Variants in HEMK2 observed in about 807,000 individuals in gnomAD.
HEMK2 encodes the protein HemK methyltransferase 2, ETF1 glutamine and histone H4 lysine.
the HEMK2 span, among the ~76,000 whole-genome samples, chr21:28,831,507 GA>G: frequency 2.3e-4 from 19 of 82,966 alleles, no homozygotes; most frequent in East Asian, 7.7e-4. Flanking sequence ...AAGAAAGAAA[GA>G]AAGAAAGAAA....
At chr21:28,738,619 G>A in the HEMK2 span, among the ~76,000 whole-genome samples, 3 of 152,128 alleles carry the variant, frequency 2.0e-5, no homozygotes, top group African/African-American at 7.2e-5. Flanking sequence ...ACAGTCCCAC[G>A]GAGAAGCCAG....
chr21:28,852,180 T>C, the HEMK2 span, among the ~76,000 whole-genome samples: 1 of 152,220 alleles, frequency 6.6e-6, no homozygotes, highest in African/African-American at 2.4e-5. Context: ...ATATTGTTTT[T>C]GATTTACTAT....
the HEMK2 span, among the ~76,000 whole-genome samples, chr21:28,871,341 A>G: frequency 5.3e-5 from 8 of 152,176 alleles, no homozygotes; most frequent in South Asian, 2.1e-4. Flanking sequence ...GCACGTCCAC[A>G]TGGTTGGAGC....
the HEMK2 span, among the ~76,000 whole-genome samples, chr21:28,606,324 T>A: frequency 9.2e-5 from 14 of 152,316 alleles, no homozygotes; most frequent in East Asian, 2.7e-3. Flanking sequence ...GAATATATCA[T>A]TACAACTAAA....
chr21:28,806,864 A>T, the HEMK2 span, among the ~76,000 whole-genome samples: 2 of 152,106 alleles, frequency 1.3e-5, no homozygotes, highest in Non-Finnish European at 2.9e-5. Context: ...GGCCTTACTA[A>T]CCCCTTGATT....
the HEMK2 span, among the ~76,000 whole-genome samples, chr21:28,734,362 G>A: frequency 6.6e-6 from 1 of 152,130 alleles, no homozygotes; most frequent in African/African-American, 2.4e-5. Flanking sequence ...TCTGTTGTCT[G>A]CCACGGCATG....
chr21:28,873,878 T>C, the HEMK2 span: 4 of 152,310 alleles, frequency 2.6e-5, no homozygotes, highest in East Asian at 1.9e-4. Flanking sequence ...CAGCAGTGCA[T>C]AAGTCATGGG....
At chr21:28,756,342 GC>G in the HEMK2 span, among the ~76,000 whole-genome samples, 1 of 152,020 alleles carries the variant, frequency 6.6e-6, no homozygotes, top group Non-Finnish European at 1.5e-5. Context: ...TATACCATGT[GC>G]CCAGTTTTTC....
chr21:28,797,838 G>T, the HEMK2 span, among the ~76,000 whole-genome samples: 1 of 152,170 alleles, frequency 6.6e-6, no homozygotes, highest in African/African-American at 2.4e-5. Context: ...AAAATAAGGG[G>T]TTCTGTGACA....
At chr21:28,800,822 C>T in the HEMK2 span, among the ~76,000 whole-genome samples, 1 of 152,166 alleles carries the variant, frequency 6.6e-6, no homozygotes, top group Non-Finnish European at 1.5e-5. Flanking sequence ...TCATGTTATT[C>T]AGTAACAATC....
chr21:28,589,595 T>C, the HEMK2 span, among the ~76,000 whole-genome samples: 1 of 152,134 alleles, frequency 6.6e-6, no homozygotes, highest in African/African-American at 2.4e-5. Context: ...CAGTGGACAG[T>C]GGGAGCCAAG....
At chr21:28,767,144 C>T in the HEMK2 span, among the ~76,000 whole-genome samples, 105 of 152,132 alleles carry the variant, frequency 6.9e-4, no homozygotes, top group South Asian at 7.7e-3. Context: ...TGCACAAGTG[C>T]TCCTCTCTTT....
chr21:28,742,971 T>C, the HEMK2 span, among the ~76,000 whole-genome samples: 411 of 152,266 alleles, frequency 2.7e-3, 3 homozygotes, highest in African/African-American at 9.2e-3. Flanking sequence ...TTAGTTCCCA[T>C]TGTGATAGTA....
chr21:28,811,249 GGAAA>G, the HEMK2 span, among the ~76,000 whole-genome samples: 851 of 132,988 alleles, frequency 6.4e-3, 3 homozygotes, highest in Non-Finnish European at 9.0e-3. Context: ...CAGAGAAAGA[GGAAA>G]GAAAGAAAGA....
At chr21:28,586,527 C>A in the HEMK2 span, among the ~76,000 whole-genome samples, 1 of 143,424 alleles carries the variant, frequency 7.0e-6, no homozygotes, top group Non-Finnish European at 1.5e-5. Context: ...ACTGCAAATG[C>A]TAAACAACTA....
At chr21:28,859,798 C>T in the HEMK2 span, among the ~76,000 whole-genome samples, 2 of 152,240 alleles carry the variant, frequency 1.3e-5, no homozygotes, top group African/African-American at 2.4e-5. Flanking sequence ...CCCCCTCCCC[C>T]AGCTCTCCAT....
the HEMK2 span, among the ~76,000 whole-genome samples, chr21:28,799,412 C>T: frequency 6.6e-6 from 1 of 152,172 alleles, no homozygotes; most frequent in Non-Finnish European, 1.5e-5. Flanking sequence ...GTCCCTCCCA[C>T]AACATGTAGG....
chr21:28,772,792 T>G, the HEMK2 span, among the ~76,000 whole-genome samples: 1 of 152,142 alleles, frequency 6.6e-6, no homozygotes, highest in African/African-American at 2.4e-5. Context: ...CCATATTGCT[T>G]CTGTATTCAC....
chr21:28,792,216 C>A, the HEMK2 span, among the ~76,000 whole-genome samples: 3 of 152,058 alleles, frequency 2.0e-5, no homozygotes, highest in Non-Finnish European at 4.4e-5. Context: ...AGCATATGAT[C>A]AAAAAATAAC....
Sources: gnomAD v4.1 joint callset for allele counts (sites outside exome capture counted in the v4.1 genomes callset) on GRCh38, gnomAD v4.1.1 for gene constraint, MANE v1.5 for transcripts, NCBI Gene and HGNC (gene_info 2026-07-23, HGNC 2026-07-21) for gene names.